ARID1A: variants seen among roughly 807,000 people sequenced by gnomAD.
ARID1A encodes AT-rich interaction domain 1A, also known as AT-rich interactive domain-containing protein 1A.
Under a neutral mutation model 212.6 loss-of-function variants are expected in ARID1A, and 20 were observed. The ratio of observed to expected loss-of-function variants is 0.09; its 90% CI spans 0.07 to 0.14. ARID1A has a LOEUF of 0.14. Ranked by LOEUF, ARID1A falls within the 10% of genes least tolerant of loss-of-function variation. The pLI, the probability that ARID1A is intolerant of heterozygous loss-of-function variation, is 1.00. For missense variants in ARID1A, 2,587 were observed against 3,059.0 expected, an observed-to-expected ratio of 0.85 and a Z score of 3.64; for synonymous variants, 1,376 against 1,222.1, an observed-to-expected ratio of 1.13 and a Z score of -2.63.
intron 1 of ARID1A, among the ~76,000 whole-genome samples, chr1:26,700,587 G>A (rs1287555744): frequency 6.6e-6 from 1 of 152,164 alleles, no homozygotes; most frequent in Non-Finnish European, 1.5e-5. Context: ...AATACTTTGA[G>A]AGTAATACCA....
Position 26,697,034 on chromosome 1 carries a change from C to G in ARID1A, c.631C>G (p.Gln211Glu). 1 of 1,539,258 alleles carries G rather than the reference C, an allele frequency of 6.5e-7. No individual in the cohort carries two copies. The highest frequency in any genetic ancestry group is 8.7e-7 in the Non-Finnish European group (1 of 1,146,816). The change falls in exon 1 of 20, where the codon CAG becomes GAG. Residue 211 changes from glutamine (Q) to glutamate (E), a missense_variant. This residue lies in a region of ARID1A where 735 missense variants were observed against 590.6 expected (regional missense o/e 1.24). Transcript: ENST00000324856. The part of the protein sequence containing the change: ...NSHDHGFPNH[Q>E]YNSYYPNRSA... ...TCACGACCACGGCTTCCCCAACCAC[C>G]AGTACAACTCCTACTACCCCAACCG...
At position 26,771,386 on chromosome 1, in the gene ARID1A, T is replaced by C. The variant is rs2081081543; in HGVS notation, c.3406+60T>C. 1.3e-6 allele frequency: 2 copies of C among 1,533,388 alleles called. No individual in the cohort carries two copies. Among genetic ancestry groups the C allele is most frequent in the Non-Finnish European group, 9.0e-7 (1 of 1,112,134 alleles). The allele number at this position is 1,533,388 out of a possible 1,614,324, so 95.0% of individuals were successfully genotyped here. A position where few individuals can be genotyped will look rare whatever the true frequency, so the allele number is the denominator to read the frequency against. ...GAGGGCCTGTTGCCCTGGCCTCTTATTCAGGATATGAATAAGAGGCTTATC... is the reference window on the plus strand; with the variant it reads ...GAGGGCCTGTTGCCCTGGCCTCTTACTCAGGATATGAATAAGAGGCTTATC... On this transcript the variant is annotated intron_variant, in intron 12 of 19. Transcript: ENST00000324856. This position sits in a 1 kb window ranked among gnomAD's most constrained non-coding sequence, Gnocchi z 5.4.
At chr1:26,724,001 G>C (rs1044752252) in intron 1 of ARID1A, among the ~76,000 whole-genome samples, 1 of 152,098 alleles carries the variant, frequency 6.6e-6, no homozygotes, top group Non-Finnish European at 1.5e-5. Context: ...CTTAACTACC[G>C]CTCTCTGAGG....
chr1:26,726,397 A>G (rs545557314), intron 1 of ARID1A, among the ~76,000 whole-genome samples: 2 of 148,256 alleles, frequency 1.3e-5, no homozygotes, highest in African/African-American at 2.5e-5. Flanking sequence ...TTGTCTCCCA[A>G]CTCCTGGCCT....
intron 4 of ARID1A, among the ~76,000 whole-genome samples, chr1:26,738,651 C>T (rs1190097749): frequency 5.3e-5 from 8 of 152,188 alleles, no homozygotes; most frequent in East Asian, 1.9e-4. Context: ...CTCCGCCTCC[C>T]GGGTTCCAGC....
intron 4 of ARID1A, among the ~76,000 whole-genome samples, chr1:26,746,448 C>T (rs1051957254): frequency 5.3e-5 from 8 of 152,186 alleles, no homozygotes; most frequent in Non-Finnish European, 1.0e-4. Flanking sequence ...CATGTCTGCC[C>T]TTGGGGAGAC....
Position 26,772,413 on chromosome 1 carries a change from A to G in ARID1A, c.3407-87A>G, listed in dbSNP as rs1443561559. On this transcript the variant is annotated intron_variant, in intron 12 of 19. Coordinates refer to ENST00000324856, the MANE Select transcript of ARID1A (RefSeq NM_006015.6). ...AAAGGCCTTAGGAAGAACTTTCCCA[A>G]AGAGATTCTGGGTCGTTCGTGTGTT... 2.5e-6 allele frequency: 4 copies of G among 1,584,104 alleles called. No individual in the cohort carries two copies. The Admixed American group carries it at 5.2e-5, about 20-fold the overall frequency.
At chr1:26,720,525 C>A (rs886911628) in intron 1 of ARID1A, among the ~76,000 whole-genome samples, 1 of 151,900 alleles carries the variant, frequency 6.6e-6, no homozygotes, top group African/African-American at 2.4e-5. Flanking sequence ...GTCAGTTAAC[C>A]TTTGGGCATG....
rs556494642 is a variant in ARID1A, at chr1:26,757,848, C to T, written c.1921-3008C>T. On this transcript the variant is annotated intron_variant, in intron 4 of 19. Transcript: ENST00000324856. ...CACGCCCGGGTTTTGCCATGTTGGC[C>T]AGGCTGGTCTTGAACTCCTGACCTC... Among the ~76,000 whole-genome samples the T allele has an allele frequency of 3.0e-4, 45 of 152,090 alleles. No individual in the cohort carries two copies. The South Asian group carries it at 4.2e-3, about 14-fold the overall frequency.
In ARID1A at chr1:26,767,827, C is replaced by A. The variant is rs1481795169; in HGVS notation, c.3026C>A (p.Thr1009Asn). The change falls in exon 11 of 20, where the codon ACC (threonine) becomes AAC (asparagine). Residue 1009 changes from threonine (T) to asparagine (N), a missense_variant. Physicochemically the swap from Thr to Asn is moderately conservative, Grantham distance 65 (BLOSUM62 0). This residue lies in a region of ARID1A where 44 missense variants were observed against 99.5 expected (regional missense o/e 0.44). Transcript: ENST00000324856. The part of the protein sequence containing the change: ...SSSTTTNEKI[T>N]KLYELGGEPE... ...TCTACTACAACCAATGAGAAGATCACCAAGTTGTATGAGCTGGGTGGTGAG... is the reference window on the plus strand; with the variant it reads ...TCTACTACAACCAATGAGAAGATCAACAAGTTGTATGAGCTGGGTGGTGAG... 6.2e-7 allele frequency: 1 copy of A among 1,614,044 alleles called. No homozygotes were observed. Among genetic ancestry groups the A allele is most frequent in the Non-Finnish European group, 8.5e-7 (1 of 1,179,966 alleles).
At chr1:26,706,780 G>A (rs1484815764) in intron 1 of ARID1A, among the ~76,000 whole-genome samples, 1 of 152,196 alleles carries the variant, frequency 6.6e-6, no homozygotes, top group East Asian at 1.9e-4. Flanking sequence ...AAATATGTAT[G>A]TCTTTTTCTC....
intron 10 of ARID1A, among the ~76,000 whole-genome samples, chr1:26,767,525 G>A (rs2081049710): frequency 6.6e-6 from 1 of 152,128 alleles, no homozygotes; most frequent in South Asian, 2.1e-4. Context: ...TTTACAAATG[G>A]GGATAATTTT....
chr1:26,727,003 T>C, intron 1 of ARID1A, among the ~76,000 whole-genome samples: 1 of 152,230 alleles, frequency 6.6e-6, no homozygotes. Context: ...GCTGGGCATG[T>C]ACAGTATGTG....
intron 4 of ARID1A, among the ~76,000 whole-genome samples, chr1:26,740,340 G>C (rs1318438540): frequency 6.6e-6 from 1 of 152,228 alleles, no homozygotes; most frequent in East Asian, 1.9e-4. Flanking sequence ...AGAAGACCAT[G>C]TGCCTGTATG....
intron 1 of ARID1A, among the ~76,000 whole-genome samples, chr1:26,706,776 GTA>G (rs2080396186): frequency 6.6e-6 from 1 of 152,188 alleles, no homozygotes; most frequent in Non-Finnish European, 1.5e-5. Flanking sequence ...TGGCAAATAT[GTA>G]TGTCTTTTTC....
Position 26,779,216 on chromosome 1 carries a change from T to C in ARID1A, c.5318T>C (p.Leu1773Pro), listed in dbSNP as rs587778054. 1.2e-6 allele frequency: 2 copies of C among 1,613,646 alleles called. No individual in the cohort carries two copies. The highest frequency in any genetic ancestry group is 3.3e-5 in the Admixed American group (2 of 59,972). The change falls in exon 20 of 20, where the codon CTA becomes CCA. Residue 1773 changes from leucine to proline, a missense_variant. Physicochemically the swap from Leu to Pro is moderately conservative, Grantham distance 98. This residue lies in a region of ARID1A where 890 missense variants were observed against 1,098.2 expected (regional missense o/e 0.81). Coordinates refer to ENST00000324856, the MANE Select transcript of ARID1A (RefSeq NM_006015.6). ...GAAGAAGAACTTCTAGGTCCTAAAC[T>C]AGAAGAGGAAGAAGAAGAGGAAGTA... ...EEEEELLGPK[L>P]EEEEEEEVVE...
chr1:26,764,749 C>G (rs2081023333), intron 8 of ARID1A: 2 of 152,124 alleles, frequency 1.3e-5, no homozygotes, highest in Admixed American at 6.6e-5. Flanking sequence ...TTTAGCATGA[C>G]AAAAAGTGGT....
intron 4 of ARID1A, among the ~76,000 whole-genome samples, chr1:26,750,097 G>A (rs2080871549): frequency 6.6e-6 from 1 of 152,192 alleles, no homozygotes; most frequent in African/African-American, 2.4e-5. Context: ...AGGGCGGATA[G>A]AACACAGTGC....
intron 6 of ARID1A, 152 bp downstream of exon 6, chr1:26,761,625 T>G: frequency 1.3e-6 from 1 of 742,268 alleles, no homozygotes; most frequent in Non-Finnish European, 2.2e-6. Context: ...ACGTAATAAT[T>G]GTACTCATTT....
Sources: allele counts gnomAD v4.1 joint callset (sites outside exome capture counted in the v4.1 genomes callset), GRCh38; gene constraint gnomAD v4.1.1; regional missense constraint gnomAD v4.1.1; non-coding constraint Gnocchi (gnomAD v3.1); transcripts MANE v1.5; gene names NCBI Gene and HGNC (gene_info 2026-07-23, HGNC 2026-07-21).